Variants in TNFRSF19 observed in about 807,000 individuals in gnomAD.
TNFRSF19 encodes the protein TNF receptor superfamily member 19.
Under a neutral mutation model 46.4 loss-of-function variants are expected in TNFRSF19, and 27 were observed. That is an observed-to-expected ratio of 0.58 (90% CI 0.43 to 0.80). The LOEUF (loss-of-function observed/expected upper bound fraction) is 0.80. Ranked by LOEUF, TNFRSF19 falls within the 30% of genes least tolerant of loss-of-function variation. The pLI, the probability that TNFRSF19 is intolerant of heterozygous loss-of-function variation, is 0.00. For synonymous variants in TNFRSF19, 204 were observed against 205.0 expected, an observed-to-expected ratio of 1.00 and a Z score of 0.04; for missense variants, 511 against 530.8, an observed-to-expected ratio of 0.96 and a Z score of 0.37.
chr13:23,629,208 C>A (rs1193169531), intron 5 of TNFRSF19, among the ~76,000 whole-genome samples: 1 of 151,964 alleles, frequency 6.6e-6, no homozygotes, highest in African/African-American at 2.4e-5. Flanking sequence ...CTCAAGCTAA[C>A]TTAAGGAGTG....
Position 23,675,944 on chromosome 13 carries a change from A to C in TNFRSF19, c.*2564A>C, listed in dbSNP as rs1951823781. On this transcript the variant is annotated 3_prime_UTR_variant, in exon 10 of 10. Coordinates refer to ENST00000248484, the MANE Select transcript of TNFRSF19 (RefSeq NM_148957.4). ...CTGTGCTAGTAAGAAAAAGAAAGGA[A>C]AACCATCATTGCTTTATAGTAGCTT... The C allele has an allele frequency of 6.6e-6, 1 of 152,220 alleles. No homozygotes were observed. The highest frequency in any genetic ancestry group is 2.1e-4 in the South Asian group (1 of 4,826). The allele number at this position is 152,220 out of a possible 1,614,324, so 9.4% of individuals were successfully genotyped here.
chr13:23,595,620 A>G (rs913841616), intron 3 of TNFRSF19, among the ~76,000 whole-genome samples: 1 of 152,218 alleles, frequency 6.6e-6, no homozygotes, highest in Non-Finnish European at 1.5e-5. Context: ...TGAAAAGACC[A>G]AACCTACATT....
At chr13:23,623,893 T>A (rs1256826621) in intron 4 of TNFRSF19, among the ~76,000 whole-genome samples, 1 of 152,154 alleles carries the variant, frequency 6.6e-6, no homozygotes, top group African/African-American at 2.4e-5. Context: ...ATCAGACATA[T>A]GATTTGCAGA....
chr13:23,666,707 G>A (rs1261145860), intron 7 of TNFRSF19, among the ~76,000 whole-genome samples: 2 of 152,216 alleles, frequency 1.3e-5, no homozygotes, highest in Non-Finnish European at 2.9e-5. Context: ...GTCTCATGGT[G>A]AGCGTGACAC....
intron 1 of TNFRSF19, among the ~76,000 whole-genome samples, chr13:23,576,004 T>C (rs1440495268): frequency 6.6e-6 from 1 of 152,216 alleles, no homozygotes; most frequent in Admixed American, 6.5e-5. Context: ...AAGATTGTCA[T>C]AGCAATTTTG....
intron 9 of TNFRSF19, among the ~76,000 whole-genome samples, chr13:23,673,153 G>A (rs540073495): frequency 2.6e-5 from 4 of 152,290 alleles, no homozygotes; most frequent in Non-Finnish European, 5.9e-5. Context: ...CAGTTATTGG[G>A]TGACTACGAA....
At chr13:23,669,266 A>T (rs3751360) in intron 9 of TNFRSF19, 169 bp downstream of exon 9, 133,395 of 1,408,474 alleles carry the variant, frequency 0.095, 7,276 homozygotes, top group East Asian at 0.22. Flanking sequence ...GTATTTTTTT[A>T]AAAAACTAAC....
Position 23,668,905 on chromosome 13 carries a change from C to T in TNFRSF19, c.1053C>T (p.Ser351=). 1.2e-6 allele frequency: 2 copies of T among 1,614,250 alleles called. No homozygotes were observed. Among genetic ancestry groups the T allele is most frequent in the Non-Finnish European group, 1.7e-6 (2 of 1,180,046 alleles). ...GCTCAACGTCTTTGGATTCAAATAG[C>T]AGTCAAGATTTGGTTGGTGGGGCTG... The part of the protein sequence containing the change: ...LESSTSLDSN[S]SQDLVGGAVP... The change falls in exon 9 of 10, where the codon AGC becomes AGT. Residue 351 remains serine, a synonymous_variant. Coordinates refer to ENST00000248484, the MANE Select transcript of TNFRSF19 (RefSeq NM_148957.4).
At chr13:23,658,625 G>A (rs1191245777) in intron 5 of TNFRSF19, among the ~76,000 whole-genome samples, 2 of 152,164 alleles carry the variant, frequency 1.3e-5, no homozygotes, top group East Asian at 1.9e-4. Context: ...GCCCCAAAAA[G>A]CATACATGCA....
rs1423639505 is a variant in TNFRSF19, at chr13:23,660,219, T to G, written c.611-146T>G. The G allele has an allele frequency of 3.6e-6, 3 of 841,278 alleles. No homozygotes were observed. In the African/African-American group the frequency reaches 5.2e-5, roughly 14 times the overall value. 52.1% of individuals were successfully genotyped at this position (841,278 alleles called of 1,614,324 possible). Reference sequence around the variant, plus strand: ...ATTTTGAACTTTCTTAACAAATTATTTCATGTTTGTGCTTCCATGTAAGAA... The same window carrying G: ...ATTTTGAACTTTCTTAACAAATTATGTCATGTTTGTGCTTCCATGTAAGAA... On this transcript the variant is annotated intron_variant, in intron 6 of 9. Coordinates refer to ENST00000248484, the MANE Select transcript of TNFRSF19 (RefSeq NM_148957.4).
At chr13:23,571,926 T>C (rs1877660129) in intron 1 of TNFRSF19, among the ~76,000 whole-genome samples, 1 of 152,060 alleles carries the variant, frequency 6.6e-6, no homozygotes, top group African/African-American at 2.4e-5. Flanking sequence ...TATTTAATTA[T>C]TATCACAAGT....
In TNFRSF19 at chr13:23,668,685, T is replaced by G; in HGVS notation, c.840-7T>G. ...AAAACTTTAAGTTCTTTTGAACGTG[T>G]GTGCAGAAACGCAGGCCCAGCCGGG... On this transcript the variant is annotated splice_region_variant and splice_polypyrimidine_tract_variant and intron_variant, in intron 8 of 9. Coordinates refer to ENST00000248484, the MANE Select transcript of TNFRSF19 (RefSeq NM_148957.4). The G allele has an allele frequency of 6.2e-7, 1 of 1,606,842 alleles. No individual in the cohort carries two copies. Among genetic ancestry groups the G allele is most frequent in the South Asian group, 1.1e-5 (1 of 89,478 alleles).
chr13:23,669,163 C>A (rs370467190), intron 9 of TNFRSF19, 66 bp downstream of exon 9: 617 of 1,530,116 alleles, frequency 4.0e-4, no homozygotes, highest in South Asian at 6.2e-4. Flanking sequence ...ACTCTGTTCC[C>A]AGCATAAGAT....
At position 23,573,998 on chromosome 13, in the gene TNFRSF19, CT is replaced by C. The variant is rs371954832; in HGVS notation, c.-35+3153del. 4.4e-3 allele frequency among the ~76,000 whole-genome samples: 614 copies of C among 140,260 alleles called. 7 individuals carry two copies. The highest frequency in any genetic ancestry group is 0.015 in the African/African-American group (563 of 36,976). The allele number at this position is 140,260 out of a possible 152,430, so 92.0% of individuals were successfully genotyped here. A position where few individuals can be genotyped will look rare whatever the true frequency, so the allele number is the denominator to read the frequency against. ...AATGGTGTGAACCCGGGAGGCAGAG[CT>C]TTCAGTGAGCCGAGATGGCGCCACT... On this transcript the variant is annotated intron_variant, in intron 1 of 9. Transcript: ENST00000248484.
In TNFRSF19 at chr13:23,675,330, G is replaced by C. The variant is rs188680232; in HGVS notation, c.*1950G>C. ...AGAGATGATGAAAGTAGGCAGGGCT[G>C]TGTTCCTTTGTGTAGCCTGTATATA... On this transcript the variant is annotated 3_prime_UTR_variant, in exon 10 of 10. Transcript: ENST00000248484. 2 of 152,202 alleles carry C rather than the reference G, an allele frequency of 1.3e-5. No individual in the cohort carries two copies. Among genetic ancestry groups the C allele is most frequent in the African/African-American group, 4.8e-5 (2 of 41,436 alleles). The allele number at this position is 152,202 out of a possible 1,614,324, so 9.4% of individuals were successfully genotyped here.
chr13:23,648,936 G>C (rs576964346), intron 5 of TNFRSF19, among the ~76,000 whole-genome samples: 1 of 152,074 alleles, frequency 6.6e-6, no homozygotes, highest in Non-Finnish European at 1.5e-5. Context: ...CCACTTGGTC[G>C]TGGTGTATAA....
intron 7 of TNFRSF19, among the ~76,000 whole-genome samples, chr13:23,665,912 C>G (rs1051965037): frequency 1.3e-5 from 2 of 152,136 alleles, no homozygotes; most frequent in East Asian, 3.8e-4. Context: ...CTCTTTTAAT[C>G]TGGAATTGTC....
chr13:23,603,882 G>A (rs1394679189), intron 3 of TNFRSF19, among the ~76,000 whole-genome samples: 1 of 151,946 alleles, frequency 6.6e-6, no homozygotes, highest in East Asian at 1.9e-4. Flanking sequence ...CAAAACTCTA[G>A]AGTTGATATC....
At chr13:23,594,143 G>A (rs1879522263) in intron 3 of TNFRSF19, 4 of 411,072 alleles carry the variant, frequency 9.7e-6, no homozygotes, top group Non-Finnish European at 1.9e-5. Flanking sequence ...TACACCACTG[G>A]GGCCCTGAGT....
Sources: allele counts gnomAD v4.1 joint callset (sites outside exome capture counted in the v4.1 genomes callset), GRCh38; gene constraint gnomAD v4.1.1; transcripts MANE v1.5; gene names NCBI Gene and HGNC (gene_info 2026-07-23, HGNC 2026-07-21).